Variants in TANC2 observed in about 807,000 individuals in gnomAD.
TANC2 encodes protein TANC2.
In TANC2, 26 loss-of-function variants were observed where a neutral mutation model predicts 210.5. That is an observed-to-expected ratio of 0.12 (90% CI 0.09 to 0.17). The LOEUF (loss-of-function observed/expected upper bound fraction) is 0.17, where lower values mean the gene tolerates loss of function less well. Among genes scored for constraint, TANC2 ranks in the 10% least tolerant of loss-of-function variants. The pLI, the probability that TANC2 is intolerant of heterozygous loss-of-function variation, is 1.00. For missense variants in TANC2, 2,129 were observed against 2,608.9 expected (o/e 0.82, Z 4.01); for synonymous variants, 931 against 967.1 (o/e 0.96, Z 0.69).
In TANC2 at chr17:63,276,190, G is replaced by A. The variant is rs895478803; in HGVS notation, c.1159+8317G>A. ...CAGAACTAGATGATTTCATTTTAAGGCCACAAACGAAAGGCTATTTCATCA... is the reference window on the plus strand; with the variant it reads ...CAGAACTAGATGATTTCATTTTAAGACCACAAACGAAAGGCTATTTCATCA... On this transcript the variant is annotated intron_variant, in intron 9 of 27. Coordinates refer to ENST00000689528, the Ensembl canonical transcript of TANC2. 6.6e-5 allele frequency among the ~76,000 whole-genome samples: 10 copies of A among 152,058 alleles called. No individual in the cohort carries two copies. The South Asian group carries it at 1.5e-3, about 22-fold the overall frequency.
At chr17:63,240,204 A>G (rs536992271) in intron 8 of TANC2, among the ~76,000 whole-genome samples, 1 of 152,334 alleles carries the variant, frequency 6.6e-6, no homozygotes, top group South Asian at 2.1e-4. Context: ...GTATGTCCCA[A>G]CTTACTTCCT....
intron 14 of TANC2, among the ~76,000 whole-genome samples, chr17:63,357,014 A>G (rs2046801421): frequency 6.6e-6 from 1 of 152,214 alleles, no homozygotes. Flanking sequence ...AGATTTTAAA[A>G]AGAAACAATA....
chr17:63,424,135 CCA>C (rs1016509237), exon 28 of TANC2: 19 of 152,310 alleles, frequency 1.2e-4, no homozygotes, highest in African/African-American at 4.6e-4. Flanking sequence ...ATTTGGAACG[CCA>C]CACACCACCC....
chr17:63,409,101 T>C (rs2048607444), intron 21 of TANC2, among the ~76,000 whole-genome samples: 1 of 152,194 alleles, frequency 6.6e-6, no homozygotes, highest in South Asian at 2.1e-4. Context: ...AAAGTGGGGA[T>C]GGAGTTATTG....
chr17:63,338,757 C>G (rs1295645345), intron 11 of TANC2: 2 of 152,242 alleles, frequency 1.3e-5, no homozygotes, highest in African/African-American at 4.8e-5. Flanking sequence ...CATTGCTTCA[C>G]TCACAGGCAA....
At chr17:63,173,552 C>T (rs1339704747) in intron 5 of TANC2, among the ~76,000 whole-genome samples, 2 of 152,328 alleles carry the variant, frequency 1.3e-5, no homozygotes, top group African/African-American at 2.4e-5. Flanking sequence ...TGTAGCTTCT[C>T]CAAGCCAGGT....
chr17:63,386,347 T>G (rs1159497414), intron 15 of TANC2, among the ~76,000 whole-genome samples: 1 of 152,228 alleles, frequency 6.6e-6, no homozygotes, highest in Non-Finnish European at 1.5e-5. Flanking sequence ...TATAGAATCC[T>G]TCTTAGTTTT....
intron 21 of TANC2, among the ~76,000 whole-genome samples, chr17:63,411,147 C>T (rs922393555): frequency 2.6e-5 from 4 of 151,618 alleles, no homozygotes; most frequent in Non-Finnish European, 5.9e-5. Flanking sequence ...ACGGGAGATC[C>T]GAGAGGCAGA....
At chr17:63,353,611 T>G (rs2046687890) in intron 13 of TANC2, among the ~76,000 whole-genome samples, 1 of 151,732 alleles carries the variant, frequency 6.6e-6, no homozygotes, top group South Asian at 2.1e-4. Context: ...AATCTATTGA[T>G]GGGAGTGAGA....
chr17:63,310,727 T>C (rs1378324192), intron 9 of TANC2, among the ~76,000 whole-genome samples: 2 of 152,114 alleles, frequency 1.3e-5, no homozygotes, highest in South Asian at 2.1e-4. Context: ...ACTCAAAATA[T>C]ACATTAAACA....
At chr17:62,973,975 A>G (rs1246926246) in intron 1 of TANC2, among the ~76,000 whole-genome samples, 1 of 152,214 alleles carries the variant, frequency 6.6e-6, no homozygotes, top group African/African-American at 2.4e-5. Flanking sequence ...AGAGTTGACT[A>G]CTAGTTGCTG....
chr17:63,057,574 C>T (rs1276644611), intron 2 of TANC2, among the ~76,000 whole-genome samples: 3 of 152,062 alleles, frequency 2.0e-5, no homozygotes, highest in Admixed American at 1.3e-4. Context: ...TCGATCCTCT[C>T]TCTGCTCTCT....
intron 4 of TANC2, among the ~76,000 whole-genome samples, chr17:63,110,775 A>G (rs2038007775): frequency 6.6e-6 from 1 of 152,140 alleles, no homozygotes; most frequent in African/African-American, 2.4e-5. Flanking sequence ...CAACACCTGA[A>G]TTTTGGAGGA....
chr17:63,006,390 C>A (rs2033628029), intron 1 of TANC2, among the ~76,000 whole-genome samples: 1 of 152,006 alleles, frequency 6.6e-6, no homozygotes, highest in African/African-American at 2.4e-5. Flanking sequence ...CTAATACATA[C>A]ATTTAAGGTG....
intron 21 of TANC2, 59 bp from the exon 22 acceptor site, chr17:63,411,452 C>A: frequency 1.3e-6 from 2 of 1,510,050 alleles, no homozygotes; most frequent in Non-Finnish European, 1.8e-6. Flanking sequence ...CAGCGTACTT[C>A]CCCTCCTGCT....
intron 4 of TANC2, among the ~76,000 whole-genome samples, chr17:63,142,527 T>G (rs2039324762): frequency 6.6e-6 from 1 of 152,184 alleles, no homozygotes; most frequent in Non-Finnish European, 1.5e-5. Context: ...CTATTTTGTT[T>G]ATCTTTTCAA....
At chr17:63,073,889 C>T in intron 2 of TANC2, 54 bp from the exon 3 acceptor site, 1 of 1,390,878 alleles carries the variant, frequency 7.2e-7, no homozygotes. Context: ...GTCAGAGACA[C>T]TGTTATGTCA....
At chr17:63,030,391 A>G (rs962781393) in intron 2 of TANC2, among the ~76,000 whole-genome samples, 10 of 152,012 alleles carry the variant, frequency 6.6e-5, no homozygotes, top group South Asian at 2.1e-4. Context: ...CAAAGACTCA[A>G]TTTCTTTCTC....
intron 9 of TANC2, among the ~76,000 whole-genome samples, chr17:63,285,254 T>C (rs1321245405): frequency 4.0e-5 from 6 of 150,670 alleles, no homozygotes. Context: ...ATTTATCTTC[T>C]TGCTATTTGT....
Sources: gnomAD v4.1 joint callset for allele counts (sites outside exome capture counted in the v4.1 genomes callset) on GRCh38, gnomAD v4.1.1 for gene constraint, MANE v1.5 for transcripts, NCBI Gene and HGNC (gene_info 2026-07-23, HGNC 2026-07-21) for gene names.